ZNF608: variants seen among roughly 807,000 people sequenced by gnomAD.
ZNF608 encodes the protein renal carcinoma antigen NY-REN-36.
A neutral mutation model predicts 109.0 loss-of-function variants in ZNF608; 12 were observed. That is an observed-to-expected ratio of 0.11 (90% CI 0.07 to 0.18). ZNF608 has a LOEUF of 0.18. Among genes scored for constraint, ZNF608 ranks in the 10% least tolerant of loss-of-function variants. ZNF608 has a pLI of 1.00. For synonymous variants in ZNF608, 732 were observed against 717.4 expected, an observed-to-expected ratio of 1.02 and a Z score of -0.33; for missense variants, 1,707 against 1,879.3, an observed-to-expected ratio of 0.91 and a Z score of 1.70.
chr5:124,733,900 T>A (rs562815402), intron 2 of ZNF608, among the ~76,000 whole-genome samples: 4 of 152,122 alleles, frequency 2.6e-5, no homozygotes, highest in Non-Finnish European at 5.9e-5. Flanking sequence ...TTTGAATAGG[T>A]TTTGTTGAAA....
chr5:124,712,235 G>C (rs558819020), intron 2 of ZNF608, among the ~76,000 whole-genome samples: 1 of 152,152 alleles, frequency 6.6e-6, no homozygotes, highest in Non-Finnish European at 1.5e-5. Context: ...GATCAGACTC[G>C]GGAAGGTGGC....
At chr5:124,642,162 T>C (rs927446716) in intron 7 of ZNF608, among the ~76,000 whole-genome samples, 4 of 152,248 alleles carry the variant, frequency 2.6e-5, no homozygotes, top group African/African-American at 4.8e-5. Context: ...TTGCAGATAC[T>C]ATTATTTTAA....
At chr5:124,692,737 G>T (rs921731005) in intron 3 of ZNF608, among the ~76,000 whole-genome samples, 2 of 152,190 alleles carry the variant, frequency 1.3e-5, no homozygotes, top group Non-Finnish European at 2.9e-5. Context: ...TCCCCCACTT[G>T]CCAGGTGTGC....
chr5:124,713,575 T>C (rs1753582945), intron 2 of ZNF608, among the ~76,000 whole-genome samples: 1 of 152,248 alleles, frequency 6.6e-6, no homozygotes. Flanking sequence ...TTAAATTTTG[T>C]CAATTAAAAA....
intron 3 of ZNF608, among the ~76,000 whole-genome samples, chr5:124,664,608 C>T (rs180813892): frequency 2.0e-5 from 3 of 152,214 alleles, no homozygotes; most frequent in Non-Finnish European, 4.4e-5. Flanking sequence ...TTTATTATTG[C>T]TATTTTACTG....
At chr5:124,691,932 A>G (rs2149838193) in intron 3 of ZNF608, among the ~76,000 whole-genome samples, 1 of 152,328 alleles carries the variant, frequency 6.6e-6, no homozygotes, top group South Asian at 2.1e-4. Context: ...AAAATCAAGA[A>G]AATGAACTAA....
intron 2 of ZNF608, among the ~76,000 whole-genome samples, chr5:124,739,108 C>A (rs746173285): frequency 3.5e-4 from 53 of 152,298 alleles, no homozygotes; most frequent in Non-Finnish European, 5.6e-4. Flanking sequence ...AGAACCCAAG[C>A]AGATCCTCCC....
At chr5:124,685,321 A>G (rs1752364708) in intron 3 of ZNF608, among the ~76,000 whole-genome samples, 1 of 151,874 alleles carries the variant, frequency 6.6e-6, no homozygotes, top group South Asian at 2.1e-4. Flanking sequence ...TAATGATCGG[A>G]ATGAAATAAA....
At position 124,644,408 on chromosome 5, in the gene ZNF608, A is replaced by G. The variant is rs112778727; in HGVS notation, c.3959T>C (p.Val1320Ala). ...TGTTCCCCGAGAGTCCTTCCAGTTC[A>G]CAGGAGTCTTTCGATCATCATTTTT... is the stretch of plus-strand genomic sequence containing the variant. The part of the protein sequence containing the change: ...KLKNDDRKTP[V>A]NWKDSRGTRV... The change falls in exon 6 of 10, where the codon GTG becomes GCG. Residue 1320 changes from valine (V) to alanine (A), a missense_variant. By Grantham distance (64) the Val-to-Ala change is moderately conservative (BLOSUM62 0). This residue lies in a region of ZNF608 where 1,073 missense variants were observed against 1,133.5 expected (regional missense o/e 0.95). Coordinates refer to ENST00000513986, the MANE Select transcript of ZNF608 (RefSeq NM_020747.3). The G allele has an allele frequency of 1.7e-4, 273 of 1,614,144 alleles. 1 individual carries two copies. Among genetic ancestry groups the G allele is most frequent in the Non-Finnish European group, 2.2e-4 (262 of 1,180,036 alleles).
At chr5:124,741,990 T>C (rs919492822) in intron 2 of ZNF608, among the ~76,000 whole-genome samples, 1 of 152,182 alleles carries the variant, frequency 6.6e-6, no homozygotes, top group African/African-American at 2.4e-5. Flanking sequence ...CTTCCTCTGG[T>C]ATAGGATCAG....
In ZNF608 at chr5:124,701,278, C is replaced by T. The variant is rs1207779948; in HGVS notation, c.907-9G>A. 2 of 1,613,800 alleles carry T rather than the reference C, an allele frequency of 1.2e-6. No individual in the cohort carries two copies. The highest frequency in any genetic ancestry group is 1.1e-5 in the South Asian group (1 of 91,036). Reference sequence around the variant, plus strand: ...GTAAACAGGGGGTCAACCTGAAAGACAGACAGGCTTACTGCAGTAGTGCTG... The same window carrying T: ...GTAAACAGGGGGTCAACCTGAAAGATAGACAGGCTTACTGCAGTAGTGCTG... On this transcript the variant is annotated splice_polypyrimidine_tract_variant and intron_variant, in intron 2 of 9. Transcript: ENST00000513986.
At chr5:124,717,026 G>A (rs577853218) in intron 2 of ZNF608, among the ~76,000 whole-genome samples, 1 of 152,250 alleles carries the variant, frequency 6.6e-6, no homozygotes, top group Admixed American at 6.5e-5. Context: ...AGGTTGCAGT[G>A]AGCCAAGATG....
chr5:124,675,827 G>T (rs1268927264), intron 3 of ZNF608, among the ~76,000 whole-genome samples: 2 of 152,148 alleles, frequency 1.3e-5, no homozygotes, highest in African/African-American at 2.4e-5. Flanking sequence ...GCCCACATGG[G>T]GCAAGAGAGA....
rs148405034 is a variant in ZNF608 at position 124,697,856 on chromosome 5, C to T, written c.1162+3158G>A. 2.1e-3 allele frequency among the ~76,000 whole-genome samples: 318 copies of T among 152,280 alleles called. 4 individuals are homozygous for T. Among genetic ancestry groups the T allele is most frequent in the Middle Eastern group, 6.8e-3 (2 of 294 alleles). On this transcript the variant is annotated intron_variant, in intron 3 of 9. Coordinates refer to ENST00000513986, the MANE Select transcript of ZNF608 (RefSeq NM_020747.3). ...CAATATTCCCCCCAAAGAGTGCAGGCATGAACTCTTAAAATTCTAGGATCT... is the reference window on the plus strand; with the variant it reads ...CAATATTCCCCCCAAAGAGTGCAGGTATGAACTCTTAAAATTCTAGGATCT...
intron 3 of ZNF608, among the ~76,000 whole-genome samples, chr5:124,694,263 T>G (rs1752751719): frequency 6.7e-6 from 1 of 149,432 alleles, no homozygotes; most frequent in African/African-American, 2.5e-5. Context: ...AAATTGCTGG[T>G]ATTACAGGCT....
rs1750228482 is a variant in ZNF608 at position 124,641,335 on chromosome 5, C to T, written c.4367G>A (p.Gly1456Asp). 6.2e-7 allele frequency: 1 copy of T among 1,613,996 alleles called. No individual in the cohort carries two copies. Residue 1456 changes from glycine to aspartate, a missense_variant, in exon 8 of 10, where the codon GGC (glycine) becomes GAC (aspartate). Gly to Asp is a moderately conservative substitution (Grantham distance 94, BLOSUM62 -1). Around this residue, in one of 7 missense-constraint regions of ZNF608, gnomAD observed 1,073 missense variants for 1,133.5 expected, o/e 0.95. Transcript: ENST00000513986. ...ERERDRHSPF[G>D]QRHLHTHHHT... ...GTGGTGCGTGTGCAGGTGCCGCTGGCCGAAGGGGGAGTGGCGATCCCTTTC... is the reference window on the plus strand; with the variant it reads ...GTGGTGCGTGTGCAGGTGCCGCTGGTCGAAGGGGGAGTGGCGATCCCTTTC...
chr5:124,715,285 C>T (rs1753646869), intron 2 of ZNF608, among the ~76,000 whole-genome samples: 2 of 152,058 alleles, frequency 1.3e-5, no homozygotes, highest in African/African-American at 2.4e-5. Flanking sequence ...AAAAATGATG[C>T]CACAAAGAAA....
intron 3 of ZNF608, among the ~76,000 whole-genome samples, chr5:124,671,813 T>C (rs573040696): frequency 5.7e-4 from 87 of 152,070 alleles, no homozygotes; most frequent in African/African-American, 2.0e-3. Context: ...TTTTTTAAAT[T>C]TTTTGTAGAG....
In ZNF608 at chr5:124,639,167, C is replaced by G. The variant is rs1465765506; in HGVS notation, c.4498G>C (p.Ala1500Pro). Residue 1500 changes from alanine (A) to proline (P), a missense_variant, in exon 9 of 10, where the codon GCA (alanine) becomes CCA (proline). Transcript: ENST00000513986. The stretch of plus-strand genomic sequence containing the variant: ...CCAGGAAACATTCCAGATGCAGATG[C>G]CTGGGCAGCCACCTGCTGAGAGGCA... Reference protein sequence around the residue: ...LVASQQVAAQASASGMFPGQR... With the variant: ...LVASQQVAAQPSASGMFPGQR... 1 of 1,614,078 alleles carries G rather than the reference C, an allele frequency of 6.2e-7. No individual in the cohort carries two copies. Among genetic ancestry groups the G allele is most frequent in the African/African-American group, 1.3e-5 (1 of 74,938 alleles).
Sources: allele counts gnomAD v4.1 joint callset (sites outside exome capture counted in the v4.1 genomes callset), GRCh38; gene constraint gnomAD v4.1.1; regional missense constraint gnomAD v4.1.1; transcripts MANE v1.5; gene names NCBI Gene and HGNC (gene_info 2026-07-23, HGNC 2026-07-21).